Variants in ZBTB43 observed in about 807,000 individuals in gnomAD.
ZBTB43 encodes the protein zinc finger and BTB domain-containing protein 43.
ZBTB43 carries 6 observed loss-of-function variants against 31.1 expected under a neutral mutation model. That is an observed-to-expected ratio of 0.19 (90% CI 0.11 to 0.38). ZBTB43 has a LOEUF of 0.38. ZBTB43 is among the 10% of genes least tolerant of loss of function. The probability of loss-of-function intolerance (pLI) is 1.00; values close to 1 mark genes in which losing one functional copy is unlikely to be tolerated. For synonymous variants in ZBTB43, 212 were observed against 221.7 expected, an observed-to-expected ratio of 0.96 and a Z score of 0.39; for missense variants, 379 against 602.1, an observed-to-expected ratio of 0.63 and a Z score of 3.88.
At position 126,835,848 on chromosome 9, in the gene ZBTB43, G is replaced by A. The variant is rs914713883; in HGVS notation, c.*1935G>A. 7 of 166,726 alleles carry A rather than the reference G, an allele frequency of 4.2e-5. No homozygotes were observed. The highest frequency in any genetic ancestry group is 7.3e-5 in the African/African-American group (3 of 41,336). 10.3% of individuals were successfully genotyped at this position (166,726 alleles called of 1,614,324 possible). The stretch of plus-strand genomic sequence containing the variant: ...TCTTTTCTCTGTGTACCTGACACAC[G>A]TATACTGAGGGGATTGTACAATCAA... On this transcript the variant is annotated 3_prime_UTR_variant, in exon 3 of 3. Coordinates refer to ENST00000373464, the MANE Select transcript of ZBTB43 (RefSeq NM_014007.4).
chr9:126,832,679 A>C lies in ZBTB43; in HGVS notation c.170A>C (p.Tyr57Ser). The C allele has an allele frequency of 6.2e-7, 1 of 1,614,060 alleles. No homozygotes were observed. Among genetic ancestry groups the C allele is most frequent in the South Asian group, 1.1e-5 (1 of 91,080 alleles). The change falls in exon 3 of 3, where the codon TAC (tyrosine) becomes TCC (serine). Residue 57 changes from tyrosine to serine, a missense_variant. Physicochemically the swap from Tyr to Ser is moderately radical, Grantham distance 144. Transcript: ENST00000373464. ...HKAVLAASSP[Y>S]FCDQVLLKNS... Reference sequence around the variant, plus strand: ...GCCGTTCTTGCTGCCAGTTCACCCTACTTTTGTGACCAGGTACTCCTGAAA... The same window carrying C: ...GCCGTTCTTGCTGCCAGTTCACCCTCCTTTTGTGACCAGGTACTCCTGAAA...
chr9:126,823,199 T>A (rs1008441405), intron 2 of ZBTB43, among the ~76,000 whole-genome samples: 6 of 152,208 alleles, frequency 3.9e-5, no homozygotes, highest in Non-Finnish European at 7.4e-5. Flanking sequence ...TTCTTGAAAG[T>A]GGGGTATTGG....
intron 1 of ZBTB43, among the ~76,000 whole-genome samples, chr9:126,805,334 C>A (rs1288161825): frequency 6.6e-6 from 1 of 152,242 alleles, no homozygotes; most frequent in Non-Finnish European, 1.5e-5. Flanking sequence ...GCCCACACGG[C>A]GCGCAGACCG....
At chr9:126,810,699 T>A (rs2032228418) in intron 2 of ZBTB43, among the ~76,000 whole-genome samples, 2 of 150,328 alleles carry the variant, frequency 1.3e-5, no homozygotes, top group African/African-American at 4.9e-5. Context: ...GAGAAGGGGT[T>A]TCACCATGTT....
intron 2 of ZBTB43, among the ~76,000 whole-genome samples, chr9:126,818,421 G>A (rs1018783319): frequency 2.0e-5 from 3 of 151,980 alleles, no homozygotes; most frequent in Non-Finnish European, 4.4e-5. Flanking sequence ...ACACATGGCC[G>A]TTGTGTAGAG....
upstream of ZBTB43, among the ~76,000 whole-genome samples, chr9:126,804,720 A>G (rs925925262): frequency 6.6e-6 from 1 of 152,222 alleles, no homozygotes; most frequent in East Asian, 1.9e-4. Context: ...CCTAGCCTCA[A>G]GCGATCATCC....
Position 126,834,018 on chromosome 9 carries a change from TAAAA to T in ZBTB43, c.*113_*116del, listed in dbSNP as rs373630242. 2.0e-6 allele frequency: 2 copies of T among 991,036 alleles called. No homozygotes were observed. Among genetic ancestry groups the T allele is most frequent in the South Asian group, 2.6e-5 (1 of 38,656 alleles). The allele number at this position is 991,036 out of a possible 1,614,324, so 61.4% of individuals were successfully genotyped here. On this transcript the variant is annotated 3_prime_UTR_variant, in exon 3 of 3. Coordinates refer to ENST00000373464, the MANE Select transcript of ZBTB43 (RefSeq NM_014007.4). ...GCTACTTGCTATTATGAGAGAAGCTTAAAAAAAAAAAGGAAGATATTTCTGAAAG... is the reference window on the plus strand; with the variant it reads ...GCTACTTGCTATTATGAGAGAAGCTTAAAAAAAGGAAGATATTTCTGAAAG...
intron 1 of ZBTB43, among the ~76,000 whole-genome samples, chr9:126,807,453 C>T (rs919454222): frequency 2.0e-5 from 3 of 152,146 alleles, no homozygotes; most frequent in Non-Finnish European, 2.9e-5. Context: ...TTTGTGTCAT[C>T]AAGAACATTG....
chr9:126,811,456 C>T (rs1021474350), intron 2 of ZBTB43, among the ~76,000 whole-genome samples: 4 of 152,120 alleles, frequency 2.6e-5, no homozygotes, highest in African/African-American at 7.2e-5. Flanking sequence ...AAGTGCTTTG[C>T]ATAGACTTTG....
chr9:126,811,665 G>A (rs986896074), intron 2 of ZBTB43, among the ~76,000 whole-genome samples: 2 of 151,880 alleles, frequency 1.3e-5, no homozygotes, highest in South Asian at 2.1e-4. Flanking sequence ...TCACTCTGTC[G>A]CCCAGGCTGG....
intron 1 of ZBTB43, among the ~76,000 whole-genome samples, chr9:126,807,779 G>A (rs547441544): frequency 3.0e-4 from 46 of 152,138 alleles, no homozygotes; most frequent in Admixed American, 2.2e-3. Context: ...GGGATTACAG[G>A]CGCCTGCCAC....
chr9:126,814,329 T>C (rs1177293316), intron 2 of ZBTB43, among the ~76,000 whole-genome samples: 1 of 6,116 alleles, frequency 1.6e-4, no homozygotes, highest in African/African-American at 1.0e-3. Flanking sequence ...CTGTAAAATG[T>C]AAATTTTACA....
chr9:126,820,483 T>A (rs1287193522), intron 2 of ZBTB43, among the ~76,000 whole-genome samples: 1 of 152,204 alleles, frequency 6.6e-6, no homozygotes, highest in African/African-American at 2.4e-5. Context: ...AAGCCCACTG[T>A]TGAGACCTAC....
chr9:126,806,014 G>A (rs1303551698), intron 1 of ZBTB43, among the ~76,000 whole-genome samples: 3 of 152,210 alleles, frequency 2.0e-5, no homozygotes, highest in African/African-American at 4.8e-5. Context: ...GAGTGCAGGA[G>A]AGCCTGTCAG....
rs1357231689 is a variant in ZBTB43 at position 126,833,046 on chromosome 9, G to A, written c.537G>A (p.Glu179=). Reference sequence around the variant, plus strand: ...TGAGAGATGGTGAAAATGAAGAGGAGAGCACCAAAGACGAGCTGTCATCCC... The same window carrying A: ...TGAGAGATGGTGAAAATGAAGAGGAAAGCACCAAAGACGAGCTGTCATCCC... The part of the protein sequence containing the change: ...QELRDGENEE[E]STKDELSSQL... The change falls in exon 3 of 3, where the codon GAG becomes GAA. Residue 179 remains glutamate, a synonymous_variant. Transcript: ENST00000373464. The surrounding 1 kb of genome is among the most constrained non-coding windows in gnomAD (Gnocchi z 7.9). The A allele has an allele frequency of 1.2e-6, 2 of 1,614,008 alleles. No individual in the cohort carries two copies. Among genetic ancestry groups the A allele is most frequent in the African/African-American group, 2.7e-5 (2 of 75,048 alleles).
Position 126,833,412 on chromosome 9 carries a change from G to T in ZBTB43, c.903G>T (p.Glu301Asp), listed in dbSNP as rs780606036. ...TCGGGGAGAAGAAAGTGGAAGCTGA[G>T]TTTGATGAACAGGCTGATGAAAGCA... ...FHIGEKKVEA[E>D]FDEQADESNY... The change falls in exon 3 of 3, where the codon GAG (glutamate) becomes GAT (aspartate). Residue 301 changes from glutamate (E) to aspartate (D), a missense_variant. Physicochemically the swap from Glu to Asp is conservative, Grantham distance 45. Transcript: ENST00000373464. This position sits in a 1 kb window ranked among gnomAD's most constrained non-coding sequence, Gnocchi z 7.9. 4 of 1,614,152 alleles carry T rather than the reference G, an allele frequency of 2.5e-6. No individual in the cohort carries two copies. Among genetic ancestry groups the T allele is most frequent in the Non-Finnish European group, 3.4e-6 (4 of 1,180,016 alleles).
intron 2 of ZBTB43, among the ~76,000 whole-genome samples, chr9:126,809,341 C>T (rs1346804500): frequency 6.6e-6 from 1 of 152,182 alleles, no homozygotes; most frequent in Non-Finnish European, 1.5e-5. Context: ...TAAAGCATTT[C>T]ACTAATGTAA....
At position 126,833,567 on chromosome 9, in the gene ZBTB43, T is replaced by C. The variant is rs2032817325; in HGVS notation, c.1058T>C (p.Met353Thr). ...LAAGYSENIE[M>T]VTGIKEEASH... ...GCAGGTTACAGTGAGAATATTGAAA[T>C]GGTAACAGGGATTAAAGAAGAAGCT... Residue 353 changes from methionine to threonine, a missense_variant, in exon 3 of 3, where the codon ATG becomes ACG. Met to Thr is a moderately conservative substitution (Grantham distance 81, BLOSUM62 -1). Around this residue, in one of 5 missense-constraint regions of ZBTB43, gnomAD observed 253 missense variants for 322.3 expected, o/e 0.79. Coordinates refer to ENST00000373464, the MANE Select transcript of ZBTB43 (RefSeq NM_014007.4). The surrounding 1 kb of genome is among the most constrained non-coding windows in gnomAD (Gnocchi z 7.9). The C allele has an allele frequency of 6.2e-7, 1 of 1,613,808 alleles. No individual in the cohort carries two copies. Among genetic ancestry groups the C allele is most frequent in the South Asian group, 1.1e-5 (1 of 91,080 alleles).
chr9:126,832,444 A>G, intron 2 of ZBTB43, 43 bp from the exon 3 acceptor site: 1 of 1,523,998 alleles, frequency 6.6e-7, no homozygotes, highest in Non-Finnish European at 8.8e-7. Context: ...AAATAAGTTT[A>G]TCTTTGGGCT....
Sources: gnomAD v4.1 joint callset for allele counts (sites outside exome capture counted in the v4.1 genomes callset) on GRCh38, gnomAD v4.1.1 for gene constraint, gnomAD v4.1.1 regional missense constraint, Gnocchi (gnomAD v3.1) non-coding constraint, MANE v1.5 for transcripts, NCBI Gene and HGNC (gene_info 2026-07-23, HGNC 2026-07-21) for gene names.